Variants in FAM151B observed in about 807,000 individuals in gnomAD.
FAM151B encodes the protein family with sequence similarity 151 member B, also known as protein FAM151B.
In FAM151B, 24 loss-of-function variants were observed where a neutral mutation model predicts 31.2. The observed-to-expected ratio is 0.77, with a 90% CI of 0.56 to 1.08. The LOEUF is 1.08. Ranked by LOEUF, FAM151B falls within the 50% of genes least tolerant of loss-of-function variation. FAM151B has a pLI of 0.00. For missense variants in FAM151B, 293 were observed against 328.6 expected (o/e 0.89, Z 0.84); for synonymous variants, 105 against 111.4 (o/e 0.94, Z 0.36).
At chr5:80,527,762 G>A (rs1482663752) in intron 5 of FAM151B, among the ~76,000 whole-genome samples, 1 of 152,092 alleles carries the variant, frequency 6.6e-6, no homozygotes, top group Non-Finnish European at 1.5e-5. Flanking sequence ...GAATGTGAAG[G>A]CCTACAGCAT....
chr5:80,488,457 AT>A (rs1424745803), intron 1 of FAM151B, among the ~76,000 whole-genome samples: 2 of 152,204 alleles, frequency 1.3e-5, no homozygotes, highest in Non-Finnish European at 2.9e-5. Flanking sequence ...CTAATCCTTA[AT>A]TTCAGCCGAC....
At chr5:80,490,734 T>C (rs1039230873) in intron 1 of FAM151B, among the ~76,000 whole-genome samples, 1 of 152,360 alleles carries the variant, frequency 6.6e-6, no homozygotes, top group African/African-American at 2.4e-5. Context: ...TCTTGTAGCA[T>C]GTTTCAATAC....
intron 1 of FAM151B, among the ~76,000 whole-genome samples, chr5:80,493,404 A>T (rs186086692): frequency 1.3e-5 from 2 of 152,208 alleles, no homozygotes; most frequent in East Asian, 3.9e-4. Context: ...AGTGTACCTT[A>T]AAAAAGAACA....
At chr5:80,503,638 GT>G (rs911990466) in intron 2 of FAM151B, among the ~76,000 whole-genome samples, 1 of 151,924 alleles carries the variant, frequency 6.6e-6, no homozygotes, top group African/African-American at 2.4e-5. Context: ...AATAAATTCT[GT>G]TTTTTTCTAA....
intron 2 of FAM151B, among the ~76,000 whole-genome samples, chr5:80,507,719 G>A (rs937764057): frequency 1.3e-5 from 2 of 152,008 alleles, no homozygotes; most frequent in African/African-American, 4.8e-5. Context: ...TTGGAGAAAG[G>A]GGTGCTATTT....
chr5:80,524,806 G>A (rs565588022), intron 5 of FAM151B, among the ~76,000 whole-genome samples: 3 of 152,220 alleles, frequency 2.0e-5, no homozygotes, highest in Non-Finnish European at 4.4e-5. Context: ...GGTGGACCCA[G>A]GTGTTTTAAT....
intron 5 of FAM151B, among the ~76,000 whole-genome samples, chr5:80,532,770 C>T (rs1039735185): frequency 1.3e-5 from 2 of 152,178 alleles, no homozygotes; most frequent in Admixed American, 6.5e-5. Flanking sequence ...AGTCTAACAA[C>T]ATTCAATAAA....
chr5:80,489,865 G>A (rs1319094780), intron 1 of FAM151B, among the ~76,000 whole-genome samples: 1 of 151,774 alleles, frequency 6.6e-6, no homozygotes, highest in African/African-American at 2.4e-5. Flanking sequence ...CGGAGCTTGC[G>A]GTGAGCCAAG....
Position 80,519,762 on chromosome 5 carries a change from G to T in FAM151B, c.387G>T (p.Trp129Cys). Reference sequence around the variant, plus strand: ...AGAGGCATCTGAAGCGTCCTGTATGGATTAATGCCGATATTCTTCCTGGTC... The same window carrying T: ...AGAGGCATCTGAAGCGTCCTGTATGTATTAATGCCGATATTCTTCCTGGTC... ...NVKRHLKRPV[W>C]INADILPGPN... is the part of the protein sequence containing the mutation. Residue 129 changes from tryptophan (W) to cysteine (C), a missense_variant, in exon 4 of 6, where the codon TGG becomes TGT. By Grantham distance (215) the Trp-to-Cys change is radical (BLOSUM62 -2). Transcript: ENST00000282226. 6.2e-7 allele frequency: 1 copy of T among 1,614,126 alleles called. No individual in the cohort carries two copies. Among genetic ancestry groups the T allele is most frequent in the Non-Finnish European group, 8.5e-7 (1 of 1,180,024 alleles).
At chr5:80,519,357 C>T (rs777587315) in intron 3 of FAM151B, among the ~76,000 whole-genome samples, 10 of 152,094 alleles carry the variant, frequency 6.6e-5, no homozygotes, top group African/African-American at 1.9e-4. Context: ...CATTCTGGAA[C>T]GAGTGAATAT....
intron 5 of FAM151B, among the ~76,000 whole-genome samples, chr5:80,538,456 T>TCTC (rs1561383631): frequency 1.1e-3 from 65 of 59,646 alleles, no homozygotes; most frequent in Admixed American, 2.3e-3. Flanking sequence ...TTCTCTTTCT[T>TCTC]TCTTTCTTTC....
intron 3 of FAM151B, 117 bp from the exon 4 acceptor site, chr5:80,519,576 C>A: frequency 2.4e-6 from 2 of 823,026 alleles, no homozygotes; most frequent in Non-Finnish European, 1.9e-6. Flanking sequence ...TTTATTTAAC[C>A]CAGACATTAT....
intron 1 of FAM151B, among the ~76,000 whole-genome samples, chr5:80,491,832 T>C (rs1301788211): frequency 1.3e-5 from 2 of 152,214 alleles, no homozygotes; most frequent in African/African-American, 4.8e-5. Context: ...TAGTACCCCA[T>C]TGTGTATCTA....
intron 5 of FAM151B, among the ~76,000 whole-genome samples, chr5:80,538,053 CT>C (rs1205526902): frequency 7.0e-6 from 1 of 143,748 alleles, no homozygotes; most frequent in South Asian, 2.2e-4. Flanking sequence ...TTCCTTTTTA[CT>C]TTTATTTTTA....
At chr5:80,494,460 C>CTTTTCTTTCTTTCTTTCT (rs56167626) in intron 1 of FAM151B, among the ~76,000 whole-genome samples, 13 of 70,964 alleles carry the variant, frequency 1.8e-4, no homozygotes, top group African/African-American at 6.7e-4. Flanking sequence ...TCTTTCTTTT[C>CTTTTCTTTCTTTCTTTCT]TTTCTTTCTT....
chr5:80,488,136 G>T lies in FAM151B; in HGVS notation c.13G>T (p.Ala5Ser). Reference sequence around the variant, plus strand: ...GGGCGTCGTCACCATGGCAGCATCCGCTGGAGGCCCAGGTAAGCGCCGAGC... The same window carrying T: ...GGGCGTCGTCACCATGGCAGCATCCTCTGGAGGCCCAGGTAAGCGCCGAGC... MAAS[A>S]GGPGSWSENI... The change falls in exon 1 of 6, where the codon GCT becomes TCT. Residue 5 changes from alanine to serine, a missense_variant. Transcript: ENST00000282226. 9 of 1,543,228 alleles carry T rather than the reference G, an allele frequency of 5.8e-6. No homozygotes were observed. The highest frequency in any genetic ancestry group is 7.8e-6 in the Non-Finnish European group (9 of 1,147,484).
rs184098101 is a variant in FAM151B at position 80,516,085 on chromosome 5, T to G, written c.317+2316T>G. On this transcript the variant is annotated intron_variant, in intron 3 of 5. Transcript: ENST00000282226. The stretch of plus-strand genomic sequence containing the variant: ...CATGACTATAATCCCAGCACTTTGG[T>G]AGGCCAAGGTGGGCGAATCACCTGA... Among the ~76,000 whole-genome samples the G allele has an allele frequency of 3.4e-3, 512 of 152,072 alleles. 2 individuals are homozygous for G. The highest frequency in any genetic ancestry group is 5.4e-3 in the Non-Finnish European group (369 of 68,014).
chr5:80,513,886 G>T, intron 3 of FAM151B, 117 bp downstream of exon 3: 1 of 1,041,314 alleles, frequency 9.6e-7, no homozygotes. Context: ...ATATATTTCA[G>T]GACTGAACCT....
At chr5:80,507,248 G>C (rs922737629) in intron 2 of FAM151B, among the ~76,000 whole-genome samples, 1 of 152,208 alleles carries the variant, frequency 6.6e-6, no homozygotes, top group Non-Finnish European at 1.5e-5. Context: ...TTGGACTAGA[G>C]GGTGACTGTG....
Sources: gnomAD v4.1 joint callset for allele counts (sites outside exome capture counted in the v4.1 genomes callset) on GRCh38, gnomAD v4.1.1 for gene constraint, MANE v1.5 for transcripts, NCBI Gene and HGNC (gene_info 2026-07-23, HGNC 2026-07-21) for gene names.